CCDC178: variants seen among roughly 807,000 people sequenced by gnomAD.
CCDC178 encodes coiled-coil domain-containing protein 178.
Under a neutral mutation model 117.4 loss-of-function variants are expected in CCDC178, and 126 were observed. The observed-to-expected ratio is 1.07, with a 90% CI of 0.93 to 1.24. The LOEUF is 1.24. Ranked by LOEUF, CCDC178 falls within the 50% of genes most tolerant of loss-of-function variation. The probability of loss-of-function intolerance (pLI) is 0.00; values close to 1 mark genes in which losing one functional copy is unlikely to be tolerated. For synonymous variants in CCDC178, 283 were observed against 313.4 expected (o/e 0.90, Z 1.02); for missense variants, 1,030 against 986.9 (o/e 1.04, Z -0.59).
Position 32,985,636 on chromosome 18 carries a change from T to A in CCDC178, c.2389-10955A>T, listed in dbSNP as rs77033646. 9.3e-3 allele frequency among the ~76,000 whole-genome samples: 1,415 copies of A among 152,180 alleles called. 23 individuals are homozygous for A. Among genetic ancestry groups the A allele is most frequent in the African/African-American group, 0.033 (1,359 of 41,588 alleles). ...AAAACAATGCTTTTTCTACATTAGT[T>A]ACTAATACCATTCTTTCAGAAAACA... On this transcript the variant is annotated intron_variant, in intron 21 of 22. Transcript: ENST00000383096.
chr18:33,233,349 C>G (rs2059389286), intron 15 of CCDC178, among the ~76,000 whole-genome samples: 1 of 151,914 alleles, frequency 6.6e-6, no homozygotes, highest in Admixed American at 6.6e-5. Context: ...TTACCAGTAT[C>G]AAATATCAGT....
At chr18:32,979,599 G>T (rs1321344108) in intron 21 of CCDC178, among the ~76,000 whole-genome samples, 1 of 152,182 alleles carries the variant, frequency 6.6e-6, no homozygotes, top group Non-Finnish European at 1.5e-5. Flanking sequence ...AAAATATTTT[G>T]AAGAATAAAG....
intron 12 of CCDC178, among the ~76,000 whole-genome samples, chr18:33,280,610 C>A (rs943668237): frequency 3.5e-4 from 53 of 151,814 alleles, no homozygotes; most frequent in African/African-American, 1.2e-3. Flanking sequence ...TGGGTATATA[C>A]CCAAAGGACT....
intron 20 of CCDC178, among the ~76,000 whole-genome samples, chr18:33,208,131 T>C (rs951580638): frequency 3.3e-5 from 5 of 152,112 alleles, no homozygotes; most frequent in Non-Finnish European, 7.4e-5. Context: ...TATATAATTG[T>C]GTGTGATTAA....
chr18:33,159,113 A>AC (rs2058434711), intron 20 of CCDC178, among the ~76,000 whole-genome samples: 1 of 152,124 alleles, frequency 6.6e-6, no homozygotes, highest in Non-Finnish European at 1.5e-5. Flanking sequence ...CCATGTGATT[A>AC]ATTTATTATG....
chr18:33,153,836 G>C (rs2058364568), intron 20 of CCDC178, among the ~76,000 whole-genome samples: 1 of 151,386 alleles, frequency 6.6e-6, no homozygotes, highest in Non-Finnish European at 1.5e-5. Context: ...AATATATCCA[G>C]TATTATACAA....
At chr18:33,044,947 T>C (rs1372335504) in intron 21 of CCDC178, among the ~76,000 whole-genome samples, 1 of 152,110 alleles carries the variant, frequency 6.6e-6, no homozygotes, top group Non-Finnish European at 1.5e-5. Flanking sequence ...ATGTTCTCAA[T>C]GGGAGCCAAA....
rs369565337 is a variant in CCDC178, at chr18:33,223,265, T to C, written c.1819-46A>G. ...AAGATGTGCAGCATTTGCAACCCAG[T>C]TATCCTCATTTAGGCCAAATCGTAC... On this transcript the variant is annotated intron_variant, in intron 17 of 22. Transcript: ENST00000383096. The C allele has an allele frequency of 2.4e-4, 369 of 1,523,648 alleles. 1 individual carries two copies. The African/African-American group carries it at 4.8e-3, about 20-fold the overall frequency. The allele number at this position is 1,523,648 out of a possible 1,614,324, so 94.4% of individuals were successfully genotyped here. A position where few individuals can be genotyped will look rare whatever the true frequency, so the allele number is the denominator to read the frequency against.
At chr18:33,305,719 C>G (rs1397876818) in intron 11 of CCDC178, among the ~76,000 whole-genome samples, 1 of 152,156 alleles carries the variant, frequency 6.6e-6, no homozygotes, top group Non-Finnish European at 1.5e-5. Flanking sequence ...TAAATTTACC[C>G]TCTTCCCAGA....
intron 21 of CCDC178, among the ~76,000 whole-genome samples, chr18:33,009,651 A>G (rs1434114814): frequency 6.6e-6 from 1 of 152,032 alleles, no homozygotes; most frequent in Non-Finnish European, 1.5e-5. Context: ...TTCTAGATTA[A>G]TTTCTTAATA....
At chr18:33,066,537 A>T (rs139332350) in intron 21 of CCDC178, among the ~76,000 whole-genome samples, 30 of 152,344 alleles carry the variant, frequency 2.0e-4, no homozygotes, top group African/African-American at 6.7e-4. Flanking sequence ...TAAATTCCTC[A>T]CTTAAAAGAC....
intron 6 of CCDC178, among the ~76,000 whole-genome samples, chr18:33,360,947 C>T (rs368877543): frequency 1.3e-5 from 2 of 150,896 alleles, no homozygotes; most frequent in Admixed American, 6.6e-5. Flanking sequence ...AATGCCATGT[C>T]GATAAAAATT....
chr18:32,948,212 C>A (rs2054398489), intron 22 of CCDC178, among the ~76,000 whole-genome samples: 1 of 152,016 alleles, frequency 6.6e-6, no homozygotes, highest in Non-Finnish European at 1.5e-5. Flanking sequence ...GGTTTTAAAA[C>A]AAACTTTTCA....
intron 20 of CCDC178, among the ~76,000 whole-genome samples, chr18:33,098,185 G>A (rs1038371518): frequency 1.3e-5 from 2 of 151,998 alleles, no homozygotes; most frequent in African/African-American, 4.8e-5. Flanking sequence ...CTAGAAAGGT[G>A]GTTATGATTA....
At chr18:33,252,019 G>A (rs1339025627) in intron 14 of CCDC178, among the ~76,000 whole-genome samples, 1 of 151,736 alleles carries the variant, frequency 6.6e-6, no homozygotes, top group Non-Finnish European at 1.5e-5. Context: ...ATATAAAAAT[G>A]TAGTAAGGAT....
intron 21 of CCDC178, among the ~76,000 whole-genome samples, chr18:33,033,228 A>G (rs945340030): frequency 1.3e-5 from 2 of 152,132 alleles, no homozygotes; most frequent in East Asian, 1.9e-4. Context: ...AAAAAATTTA[A>G]TTTAGTGTTG....
intron 20 of CCDC178, among the ~76,000 whole-genome samples, chr18:33,207,256 C>T (rs1447243343): frequency 4.0e-5 from 6 of 151,766 alleles, no homozygotes; most frequent in Non-Finnish European, 8.8e-5. Context: ...AATCTCTGTT[C>T]CAATATCTTT....
intron 3 of CCDC178, among the ~76,000 whole-genome samples, chr18:33,401,668 T>C (rs78340060): frequency 0.13 from 20,202 of 152,016 alleles, 1,556 homozygotes; most frequent in East Asian, 0.2. Context: ...GTCATGCGTT[T>C]AGATTTAATA....
intron 21 of CCDC178, among the ~76,000 whole-genome samples, chr18:33,076,885 A>C (rs2057217644): frequency 6.6e-6 from 1 of 152,188 alleles, no homozygotes; most frequent in Non-Finnish European, 1.5e-5. Flanking sequence ...GTCTGTAGCA[A>C]TCTGTTTAGG....
Sources: allele counts gnomAD v4.1 joint callset (sites outside exome capture counted in the v4.1 genomes callset), GRCh38; gene constraint gnomAD v4.1.1; transcripts MANE v1.5; gene names NCBI Gene and HGNC (gene_info 2026-07-23, HGNC 2026-07-21).